PHACTR1: variants seen among roughly 807,000 people sequenced by gnomAD.
The protein encoded by PHACTR1 is RPEL repeat containing 1.
A neutral mutation model predicts 69.2 loss-of-function variants in PHACTR1; 16 were observed. That is an observed-to-expected ratio of 0.23 (90% CI 0.16 to 0.35). The LOEUF (loss-of-function observed/expected upper bound fraction) is 0.35, where lower values mean the gene tolerates loss of function less well. PHACTR1 is among the 10% of genes least tolerant of loss of function. The pLI is 1.00. For missense variants in PHACTR1, 510 were observed against 734.7 expected (o/e 0.69, Z 3.54); for synonymous variants, 312 against 284.5 (o/e 1.10, Z -0.97).
chr6:13,159,285 G>A, intron 5 of PHACTR1, among the ~76,000 whole-genome samples: 1 of 152,206 alleles, frequency 6.6e-6, no homozygotes, highest in Non-Finnish European at 1.5e-5. Context: ...AGAAGGCAGT[G>A]GAGGGGCCGT....
chr6:12,822,376 G>A (rs1776321170), intron 4 of PHACTR1, among the ~76,000 whole-genome samples: 1 of 152,144 alleles, frequency 6.6e-6, no homozygotes, highest in Admixed American at 6.5e-5. Flanking sequence ...ACCACGAGGA[G>A]CCATCCAGAA....
intron 7 of PHACTR1, among the ~76,000 whole-genome samples, chr6:13,193,283 C>T (rs1327228232): frequency 6.8e-6 from 1 of 147,092 alleles, no homozygotes; most frequent in African/African-American, 2.5e-5. Context: ...CTTGTTTTTC[C>T]TTTAAAGTAT....
chr6:12,932,684 A>G (rs1475370832), intron 4 of PHACTR1, among the ~76,000 whole-genome samples: 1 of 152,180 alleles, frequency 6.6e-6, no homozygotes, highest in East Asian at 1.9e-4. Flanking sequence ...ATATCTTTTA[A>G]TTCCGAATGA....
At chr6:12,759,772 TG>T (rs1767826416) in intron 4 of PHACTR1, among the ~76,000 whole-genome samples, 2 of 152,190 alleles carry the variant, frequency 1.3e-5, no homozygotes, top group Admixed American at 1.3e-4. Context: ...CCTAGGACCA[TG>T]GAAGTCATCA....
rs144126229 is a variant in PHACTR1, at chr6:13,055,759, T to C, written c.415+2230T>C. On this transcript the variant is annotated intron_variant, in intron 5 of 14. Transcript: ENST00000332995. ...CGATTATGCCAACGTCTTCAAGACA[T>C]TGGAAAACATATCACCTGATAGGTG... Among the ~76,000 whole-genome samples the C allele has an allele frequency of 4.6e-5, 7 of 152,328 alleles. No homozygotes were observed. The East Asian group carries it at 1.4e-3, about 29-fold the overall frequency.
chr6:12,752,442 C>T (rs1267740983), intron 4 of PHACTR1, among the ~76,000 whole-genome samples: 5 of 152,114 alleles, frequency 3.3e-5, no homozygotes, highest in Non-Finnish European at 4.4e-5. Flanking sequence ...TCCAATCCTG[C>T]CCCCAAACAA....
rs1174260369 is a variant in PHACTR1, at chr6:13,275,693, TCA to T, written c.1448-2574_1448-2573del. The T allele has an allele frequency of 1.3e-5, 2 of 152,178 alleles. No homozygotes were observed. The highest frequency in any genetic ancestry group is 4.8e-5 in the African/African-American group (2 of 41,428). 9.4% of individuals were successfully genotyped at this position (152,178 alleles called of 1,614,324 possible). A position where few individuals can be genotyped will look rare whatever the true frequency, so the allele number is the denominator to read the frequency against. On this transcript the variant is annotated intron_variant, in intron 11 of 14. Coordinates refer to ENST00000332995, the MANE Select transcript of PHACTR1 (RefSeq NM_030948.6). The surrounding 1 kb of genome is among the most constrained non-coding windows in gnomAD (Gnocchi z 4.0). The stretch of plus-strand genomic sequence containing the variant: ...TTAACACCCCTGAGGCTTCAGATCC[TCA>T]GTTATAAACCAGGAGTGGTAGACGA...
intron 4 of PHACTR1, among the ~76,000 whole-genome samples, chr6:13,021,119 A>C (rs1257242845): frequency 6.6e-6 from 1 of 152,162 alleles, no homozygotes; most frequent in East Asian, 1.9e-4. Flanking sequence ...CATTTTCCTT[A>C]CACCTAAAAA....
At chr6:13,019,240 A>G (rs1337383738) in intron 4 of PHACTR1, among the ~76,000 whole-genome samples, 1 of 152,052 alleles carries the variant, frequency 6.6e-6, no homozygotes, top group Non-Finnish European at 1.5e-5. Flanking sequence ...AAAGTTTATT[A>G]TGAAAAATTG....
chr6:12,818,980 C>A (rs114777271), intron 4 of PHACTR1, among the ~76,000 whole-genome samples: 10 of 152,154 alleles, frequency 6.6e-5, no homozygotes, highest in African/African-American at 2.2e-4. Flanking sequence ...GGAAATAAAG[C>A]GCAGAGTTTG....
rs571298544 is a variant in PHACTR1 at position 13,131,443 on chromosome 6, C to T, written c.416-28761C>T. On this transcript the variant is annotated intron_variant, in intron 5 of 14. Transcript: ENST00000332995. ...TGATATAATGGACTTTGGGGACTTGCGGGGAAGGGTTGGAGGGGGATGAGG... is the reference window on the plus strand; with the variant it reads ...TGATATAATGGACTTTGGGGACTTGTGGGGAAGGGTTGGAGGGGGATGAGG... Among the ~76,000 whole-genome samples, 17 of 150,268 alleles carry T rather than the reference C, an allele frequency of 1.1e-4. No homozygotes were observed. The East Asian group carries it at 1.2e-3, about 10-fold the overall frequency.
At chr6:13,105,349 AC>A (rs1561837101) in intron 5 of PHACTR1, among the ~76,000 whole-genome samples, 1 of 150,388 alleles carries the variant, frequency 6.6e-6, no homozygotes, top group Non-Finnish European at 1.5e-5. Flanking sequence ...ACTGCATTCC[AC>A]CCTGGGTGAG....
chr6:12,764,192 A>C (rs960760495), intron 4 of PHACTR1, among the ~76,000 whole-genome samples: 33 of 152,240 alleles, frequency 2.2e-4, no homozygotes, highest in African/African-American at 7.2e-4. Flanking sequence ...GGAAATGAGA[A>C]TCTTGCTATG....
intron 3 of PHACTR1, among the ~76,000 whole-genome samples, chr6:12,727,216 C>T (rs1381233055): frequency 2.0e-5 from 3 of 152,130 alleles, no homozygotes; most frequent in African/African-American, 7.2e-5. Flanking sequence ...ATACAGGGAA[C>T]ATGATGGGTG....
At chr6:13,112,957 A>C (rs572347018) in intron 5 of PHACTR1, among the ~76,000 whole-genome samples, 1 of 152,182 alleles carries the variant, frequency 6.6e-6, no homozygotes, top group East Asian at 1.9e-4. Context: ...CCATTCTTAT[A>C]TTGAGAATGG....
intron 5 of PHACTR1, among the ~76,000 whole-genome samples, chr6:13,070,605 C>T (rs568504858): frequency 6.6e-6 from 1 of 152,224 alleles, no homozygotes; most frequent in South Asian, 2.1e-4. Flanking sequence ...ATCACAGTTA[C>T]CCATGACTTG....
At chr6:13,184,707 C>A (rs1762610274) in intron 7 of PHACTR1, 2 of 1,049,926 alleles carry the variant, frequency 1.9e-6, no homozygotes, top group South Asian at 1.3e-5. Context: ...CGCTGTGTTG[C>A]CAGCCCGAGT....
chr6:12,971,684 T>C (rs1345461051), intron 4 of PHACTR1, among the ~76,000 whole-genome samples: 1 of 152,232 alleles, frequency 6.6e-6, no homozygotes, highest in African/African-American at 2.4e-5. Context: ...AATTAGACTG[T>C]AGTGATGGCA....
At chr6:13,285,338 CTT>C (rs1047685842) in intron 13 of PHACTR1, among the ~76,000 whole-genome samples, 20 of 152,308 alleles carry the variant, frequency 1.3e-4, no homozygotes, top group African/African-American at 4.8e-4. Flanking sequence ...TACAGGAAGA[CTT>C]TTCTCTCCTC....
Sources: allele counts gnomAD v4.1 joint callset (sites outside exome capture counted in the v4.1 genomes callset), GRCh38; gene constraint gnomAD v4.1.1; non-coding constraint Gnocchi (gnomAD v3.1); transcripts MANE v1.5; gene names NCBI Gene and HGNC (gene_info 2026-07-23, HGNC 2026-07-21).